The following SOD2 variants were observed in gnomAD, a reference collection of about 807,000 sequenced individuals.
SOD2 encodes superoxide dismutase [Mn], mitochondrial.
A neutral mutation model predicts 27.0 loss-of-function variants in SOD2; 11 were observed. The ratio of observed to expected loss-of-function variants is 0.41; its 90% confidence interval spans 0.26 to 0.67. The LOEUF (loss-of-function observed/expected upper bound fraction) is 0.67. Ranked by LOEUF, SOD2 falls within the 30% of genes least tolerant of loss-of-function variation. The pLI, the probability that SOD2 is intolerant of heterozygous loss-of-function variation, is 0.34. For synonymous variants in SOD2, 105 were observed against 103.0 expected (o/e 1.02, Z -0.12); for missense variants, 250 against 274.5 (o/e 0.91, Z 0.63).
chr6:159,738,352 A>C (rs1360051084), intron 1 of SOD2, among the ~76,000 whole-genome samples: 1 of 151,836 alleles, frequency 6.6e-6, no homozygotes, highest in Non-Finnish European at 1.5e-5. Context: ...TTTTGAGACT[A>C]TTTTTTTTCC....
chr6:159,694,876 T>C (rs1297211405), upstream of SOD2, among the ~76,000 whole-genome samples: 1 of 151,876 alleles, frequency 6.6e-6, no homozygotes, highest in African/African-American at 2.4e-5. Flanking sequence ...AGTGCTGGGA[T>C]TACAGGTAGG....
In SOD2 at chr6:159,743,800, T is replaced by G; in HGVS notation, c.-116+1330A>C. ...GAGATGCAAGAGTGTACTGTAAGTA[T>G]TTCAAGTTATATAAATGTCTTTAGT... On this transcript the variant is annotated intron_variant, in intron 1 of 3. Transcript: ENST00000537657. 1.9e-6 allele frequency: 3 copies of G among 1,594,336 alleles called. No individual in the cohort carries two copies. The Middle Eastern group carries it at 5.0e-4, about 268-fold the overall frequency.
At chr6:159,723,523 A>AG (rs1221665436) in intron 1 of SOD2, among the ~76,000 whole-genome samples, 1 of 152,134 alleles carries the variant, frequency 6.6e-6, no homozygotes, top group Non-Finnish European at 1.5e-5. Context: ...TCTCCAAAGG[A>AG]GCTCTGGATC....
At chr6:159,706,217 C>A (rs1777624386) in intron 1 of SOD2, among the ~76,000 whole-genome samples, 1 of 152,158 alleles carries the variant, frequency 6.6e-6, no homozygotes, top group Admixed American at 6.5e-5. Context: ...AACTAATGAG[C>A]AAAATAACCA....
upstream of SOD2, chr6:159,727,464 A>C (rs1366638875): frequency 3.1e-6 from 3 of 966,212 alleles, no homozygotes; most frequent in Non-Finnish European, 3.6e-6. Context: ...GGCGGAGCGG[A>C]GCCGTGCGGC....
intron 1 of SOD2, among the ~76,000 whole-genome samples, chr6:159,711,721 TAACCACCTCCAC>T (rs1777778029): frequency 9.1e-6 from 1 of 109,802 alleles, no homozygotes; most frequent in South Asian, 3.2e-4. Flanking sequence ...CTGATCACCA[TAACCACCTCCAC>T]AACCACCACT....
intron 1 of SOD2, among the ~76,000 whole-genome samples, chr6:159,705,372 A>G (rs949271294): frequency 3.9e-5 from 6 of 152,184 alleles, no homozygotes; most frequent in Non-Finnish European, 8.8e-5. Context: ...AAAAACCATG[A>G]AAAAAGATTA....
At chr6:159,701,189 G>A (rs1488702182) in intron 1 of SOD2, among the ~76,000 whole-genome samples, 2 of 152,146 alleles carry the variant, frequency 1.3e-5, no homozygotes, top group East Asian at 3.9e-4. Context: ...AGCAGCAGCA[G>A]CAGAAGGCAA....
upstream of SOD2, among the ~76,000 whole-genome samples, chr6:159,693,932 C>T (rs140414815): frequency 3.9e-3 from 587 of 152,316 alleles, 3 homozygotes; most frequent in Non-Finnish European, 5.5e-3. Flanking sequence ...TCTTGGACAC[C>T]CACGACGTGC....
At chr6:159,760,135 A>T (rs368904180) in intron 1 of SOD2, 8 of 152,338 alleles carry the variant, frequency 5.3e-5, no homozygotes, top group African/African-American at 1.9e-4. Flanking sequence ...TTTTTCTGGA[A>T]GAAGTGATGT....
chr6:159,717,931 A>G (rs368093190), intron 1 of SOD2, among the ~76,000 whole-genome samples: 3 of 147,556 alleles, frequency 2.0e-5, no homozygotes, highest in Non-Finnish European at 3.0e-5. Flanking sequence ...GTGTGTGTAT[A>G]TGTGTATATA....
upstream of SOD2, chr6:159,748,266 A>G (rs1373740944): frequency 6.2e-7 from 1 of 1,614,080 alleles, no homozygotes; most frequent in Non-Finnish European, 8.5e-7. The surrounding 1 kb of genome is among the most constrained non-coding windows in gnomAD (Gnocchi z 5.6). Context: ...AGACCCAGCG[A>G]TCAACTTGTT....
At chr6:159,733,826 G>T (rs1247499042) in intron 1 of SOD2, among the ~76,000 whole-genome samples, 2 of 152,178 alleles carry the variant, frequency 1.3e-5, no homozygotes, top group African/African-American at 4.8e-5. Flanking sequence ...TGAGGCAGGA[G>T]AATTGCTTGA....
At chr6:159,685,259 T>A (rs1047838017) in intron 3 of SOD2, among the ~76,000 whole-genome samples, 6 of 143,396 alleles carry the variant, frequency 4.2e-5, no homozygotes, top group African/African-American at 1.3e-4. Context: ...TTTTACCTTT[T>A]GAGACGGAGT....
chr6:159,703,144 G>A (rs573987251), intron 1 of SOD2, among the ~76,000 whole-genome samples: 2 of 152,050 alleles, frequency 1.3e-5, no homozygotes, highest in African/African-American at 2.4e-5. Context: ...GAGAGACCCC[G>A]TCTCTACAAA....
upstream of SOD2, among the ~76,000 whole-genome samples, chr6:159,693,988 C>T (rs1033148022): frequency 6.6e-6 from 1 of 152,252 alleles, no homozygotes; most frequent in East Asian, 1.9e-4. Context: ...TTATTTTTAC[C>T]CCTAGGGTTG....
At chr6:159,734,840 C>T (rs1481889879) in intron 1 of SOD2, among the ~76,000 whole-genome samples, 3 of 151,946 alleles carry the variant, frequency 2.0e-5, no homozygotes, top group Non-Finnish European at 4.4e-5. Flanking sequence ...CTCTTCATGT[C>T]GTATACTTTT....
At chr6:159,762,037 C>G (rs1398013204) in exon 1 of SOD2, 28 of 1,602,724 alleles carry the variant, frequency 1.7e-5, no homozygotes, top group Non-Finnish European at 2.4e-5. Context: ...CGAGGAGGAG[C>G]TTTGCCTAGC....
At chr6:159,746,707 T>C (rs536880194), upstream of SOD2, among the ~76,000 whole-genome samples, 2 of 152,354 alleles carry the variant, frequency 1.3e-5, no homozygotes, top group African/African-American at 4.8e-5. Context: ...TCATTTTTGT[T>C]CACCTCAGTG....
Sources: gnomAD v4.1 joint callset for allele counts (sites outside exome capture counted in the v4.1 genomes callset) on GRCh38, gnomAD v4.1.1 for gene constraint, Gnocchi (gnomAD v3.1) non-coding constraint, MANE v1.5 for transcripts, NCBI Gene and HGNC (gene_info 2026-07-23, HGNC 2026-07-21) for gene names.